The following LAMA4 variants were observed in gnomAD, a reference collection of about 807,000 sequenced individuals.
The protein encoded by LAMA4 is laminin subunit alpha-4.
In LAMA4, 127 loss-of-function variants were observed where a neutral mutation model predicts 207.1. The ratio of observed to expected loss-of-function variants is 0.61; its 90% CI spans 0.53 to 0.71. The LOEUF is 0.71. Ranked by LOEUF, LAMA4 falls within the 30% of genes least tolerant of loss-of-function variation. LAMA4 has a pLI of 0.00. For synonymous variants in LAMA4, 761 were observed against 816.0 expected (o/e 0.93, Z 1.15); for missense variants, 2,093 against 2,246.5 (o/e 0.93, Z 1.38).
At chr6:112,125,923 A>AT (rs1270216041) in intron 31 of LAMA4, among the ~76,000 whole-genome samples, 7 of 152,204 alleles carry the variant, frequency 4.6e-5, no homozygotes, top group African/African-American at 1.4e-4. Context: ...GAGGCCATAC[A>AT]TTTTTCTTGG....
At chr6:112,224,271 T>C (rs1158031402) in intron 2 of LAMA4, among the ~76,000 whole-genome samples, 2 of 152,102 alleles carry the variant, frequency 1.3e-5, no homozygotes, top group Non-Finnish European at 2.9e-5. Flanking sequence ...CCCTTTATTA[T>C]CCAAGAATAT....
At chr6:112,200,703 T>C (rs1211522437) in intron 5 of LAMA4, among the ~76,000 whole-genome samples, 8 of 152,108 alleles carry the variant, frequency 5.3e-5, no homozygotes, top group Non-Finnish European at 2.9e-5. Flanking sequence ...TATGCAGTCA[T>C]AAAAAAGGAT....
chr6:112,252,846 A>C lies in LAMA4; in HGVS notation c.195+1110T>G, dbSNP rs1263160583. On this transcript the variant is annotated intron_variant, in intron 2 of 38. Transcript: ENST00000230538. ...AAGCCATGCTCCCTCTTTTTCATGGAGGCTACATTTTATACCACAGTGAGA... is the reference window on the plus strand; with the variant it reads ...AAGCCATGCTCCCTCTTTTTCATGGCGGCTACATTTTATACCACAGTGAGA... Among the ~76,000 whole-genome samples the C allele has an allele frequency of 1.3e-5, 2 of 152,094 alleles. 1 individual carries two copies. Among genetic ancestry groups the C allele is most frequent in the African/African-American group, 4.8e-5 (2 of 41,390 alleles).
At chr6:112,129,456 A>G (rs1338329966) in intron 30 of LAMA4, among the ~76,000 whole-genome samples, 1 of 152,148 alleles carries the variant, frequency 6.6e-6, no homozygotes, top group African/African-American at 2.4e-5. Context: ...CTTTAAAATC[A>G]TGCATTAAAT....
rs79403807 is a variant in LAMA4, at chr6:112,172,217, C to A, written c.1551+394G>T. On this transcript the variant is annotated intron_variant, in intron 12 of 38. Coordinates refer to ENST00000230538, the MANE Select transcript of LAMA4 (RefSeq NM_001105206.3). ...CCTTATCCCTGCAGCTGCTGACCAG[C>A]CAGACTGTGAGATTTGCTTATCGTG... is the stretch of plus-strand genomic sequence containing the variant. 3.0e-3 allele frequency: 731 copies of A among 244,324 alleles called. 7 individuals carry two copies. The highest frequency in any genetic ancestry group is 0.016 in the African/African-American group (690 of 43,392). 15.1% of individuals were successfully genotyped at this position (244,324 alleles called of 1,614,324 possible).
At chr6:112,135,008 C>A (rs1779257564) in intron 25 of LAMA4, among the ~76,000 whole-genome samples, 1 of 151,940 alleles carries the variant, frequency 6.6e-6, no homozygotes, top group Non-Finnish European at 1.5e-5. Context: ...TTTATGTATA[C>A]AATTTGATGA....
At chr6:112,180,277 T>C (rs1782277913) in intron 9 of LAMA4, among the ~76,000 whole-genome samples, 1 of 152,206 alleles carries the variant, frequency 6.6e-6, no homozygotes, top group African/African-American at 2.4e-5. Context: ...CCTCTTCTTT[T>C]TGACAAACGC....
chr6:112,219,813 C>T (rs1033598121), intron 2 of LAMA4, among the ~76,000 whole-genome samples: 1 of 152,112 alleles, frequency 6.6e-6, no homozygotes, highest in Non-Finnish European at 1.5e-5. Flanking sequence ...GTTCCCTTGT[C>T]TTTGTTTTAC....
chr6:112,233,350 T>A (rs77946565), intron 2 of LAMA4, among the ~76,000 whole-genome samples: 1 of 152,228 alleles, frequency 6.6e-6, no homozygotes, highest in Non-Finnish European at 1.5e-5. Flanking sequence ...CAAAATGCGT[T>A]TTCAACAAAT....
At chr6:112,224,191 A>G (rs1554361589) in intron 2 of LAMA4, among the ~76,000 whole-genome samples, 1 of 152,214 alleles carries the variant, frequency 6.6e-6, no homozygotes, top group African/African-American at 2.4e-5. Context: ...GAGCCTTGAC[A>G]TCTTTACCTG....
chr6:112,140,856 G>T lies in LAMA4; in HGVS notation c.2880C>A (p.Phe960Leu). Residue 960 changes from phenylalanine to leucine, a missense_variant, in exon 22 of 39, where the codon TTC becomes TTA. This residue lies in a region of LAMA4 where 1,704 missense variants were observed against 1,788.4 expected (regional missense o/e 0.95). Transcript: ENST00000230538. ...CTCCCGAAAATTCCCCCTTTTTAAT[G>T]AACTTTTCCTCTGCTGTGCTACTTA... is the stretch of plus-strand genomic sequence containing the variant. ...PSLSSTAEEK[F>L]IKKGEFSGDD... is the part of the protein sequence containing the mutation. The T allele has an allele frequency of 1.2e-6, 2 of 1,613,874 alleles. No individual in the cohort carries two copies. The highest frequency in any genetic ancestry group is 1.7e-6 in the Non-Finnish European group (2 of 1,179,832).
At position 112,136,215 on chromosome 6, in the gene LAMA4, G is replaced by A. The variant is rs201660110; in HGVS notation, c.3322C>T (p.His1108Tyr). 1.6e-5 allele frequency: 26 copies of A among 1,611,820 alleles called. No homozygotes were observed. The South Asian group carries it at 2.6e-4, about 16-fold the overall frequency. Residue 1108 changes from histidine to tyrosine, a missense_variant, in exon 25 of 39, where the codon CAT (histidine) becomes TAT (tyrosine). His to Tyr is a moderately conservative substitution (Grantham distance 83). This residue lies in a region of LAMA4 where 1,704 missense variants were observed against 1,788.4 expected (regional missense o/e 0.95). Transcript: ENST00000230538. ...FRLEMRNGYL[H>Y]VFYDFGFSGG... is the part of the protein sequence containing the mutation. ...CTGAATCCAAAATCATAGAACACATGTAGGTAACCATTGCGCATTTCCAGT... is the reference window on the plus strand; with the variant it reads ...CTGAATCCAAAATCATAGAACACATATAGGTAACCATTGCGCATTTCCAGT...
At chr6:112,220,941 A>C (rs571510166) in intron 2 of LAMA4, among the ~76,000 whole-genome samples, 5 of 152,226 alleles carry the variant, frequency 3.3e-5, no homozygotes, top group Non-Finnish European at 5.9e-5. Context: ...GAGCTAATTA[A>C]TTGCCCACAA....
intron 7 of LAMA4, among the ~76,000 whole-genome samples, chr6:112,188,474 G>C (rs1782825011): frequency 6.6e-6 from 1 of 152,168 alleles, no homozygotes; most frequent in Non-Finnish European, 1.5e-5. Context: ...CAATGGTAAG[G>C]TTAATCTCGT....
intron 12 of LAMA4, among the ~76,000 whole-genome samples, chr6:112,168,997 G>C (rs1323118486): frequency 6.6e-6 from 1 of 152,168 alleles, no homozygotes; most frequent in African/African-American, 2.4e-5. Flanking sequence ...GTGGCTAAGA[G>C]GCAGAGTTTG....
At chr6:112,148,459 A>T in intron 17 of LAMA4, 123 bp from the exon 18 acceptor site, 2 of 963,956 alleles carry the variant, frequency 2.1e-6, no homozygotes, top group South Asian at 2.9e-5. Context: ...AGCAAAAGTA[A>T]GATTTTTGGA....
chr6:112,136,710 T>C (rs1033202265), intron 24 of LAMA4, among the ~76,000 whole-genome samples: 13 of 137,540 alleles, frequency 9.5e-5, no homozygotes, highest in Non-Finnish European at 1.4e-4. Flanking sequence ...AAAAAAAAAG[T>C]GACAACTACT....
chr6:112,119,444 C>A, intron 33 of LAMA4, 133 bp from the exon 34 acceptor site: 1 of 962,216 alleles, frequency 1.0e-6, no homozygotes, highest in Non-Finnish European at 1.6e-6. Flanking sequence ...TTTAAAATGG[C>A]CCCATCTCTG....
At chr6:112,253,482 C>T in intron 2 of LAMA4, 2 of 399,802 alleles carry the variant, frequency 5.0e-6, no homozygotes, top group Non-Finnish European at 9.4e-6. Context: ...TCTCACTCAC[C>T]CCCTCACCTT....
Sources: gnomAD v4.1 joint callset for allele counts (sites outside exome capture counted in the v4.1 genomes callset) on GRCh38, gnomAD v4.1.1 for gene constraint, gnomAD v4.1.1 regional missense constraint, MANE v1.5 for transcripts, NCBI Gene and HGNC (gene_info 2026-07-23, HGNC 2026-07-21) for gene names.